The following DENND4C variants were observed in gnomAD, a reference collection of about 807,000 sequenced individuals.
DENND4C encodes DENN domain-containing protein 4C.
Under a neutral mutation model 203.0 loss-of-function variants are expected in DENND4C, and 108 were observed. That is an observed-to-expected ratio of 0.53 (90% CI 0.46 to 0.62). The LOEUF (loss-of-function observed/expected upper bound fraction) is 0.62. Ranked by LOEUF, DENND4C falls within the 20% of genes least tolerant of loss-of-function variation. The pLI is 0.00. For missense variants in DENND4C, 2,481 were observed against 2,301.2 expected, an observed-to-expected ratio of 1.08 and a Z score of -1.60; for synonymous variants, 871 against 792.4, an observed-to-expected ratio of 1.10 and a Z score of -1.67.
intron 6 of DENND4C, 63 bp downstream of exon 6, chr9:19,296,309 T>C: frequency 8.6e-7 from 1 of 1,162,094 alleles, no homozygotes; most frequent in African/African-American, 1.6e-5. Context: ...ATACATTTGT[T>C]TGTGTAATTT....
chr9:19,230,800 G>C lies in DENND4C; in HGVS notation c.-51G>C, dbSNP rs536788873. 1 of 152,590 alleles carries C rather than the reference G, an allele frequency of 6.6e-6. No homozygotes were observed. The highest frequency in any genetic ancestry group is 1.9e-4 in the East Asian group (1 of 5,192). 9.5% of individuals were successfully genotyped at this position (152,590 alleles called of 1,614,324 possible). A position where few individuals can be genotyped will look rare whatever the true frequency, so the allele number is the denominator to read the frequency against. On this transcript the variant is annotated 5_prime_UTR_variant, in exon 1 of 33. Coordinates refer to ENST00000434457, the MANE Select transcript of DENND4C (RefSeq NM_001330640.2). ...CTTTCTTGCCCCAGGAAGAAGCCGT[G>C]TCGGGGCTGCGCTGACAGAGGAGCA...
intron 15 of DENND4C, 150 bp downstream of exon 15, chr9:19,326,344 C>T: frequency 2.6e-6 from 2 of 772,570 alleles, no homozygotes; most frequent in Non-Finnish European, 3.7e-6. Context: ...GGAAATGCCA[C>T]TAGGTGTTAT....
rs1277315967 is a variant in DENND4C at position 19,272,925 on chromosome 9, G to A, written c.-17-3233G>A. ...TGGGATTTCAGGCACATGCCACTAC[G>A]CCTGGCTAATTTTTGTATCCTTTTT... is the stretch of plus-strand genomic sequence containing the variant. On this transcript the variant is annotated intron_variant, in intron 1 of 32. Coordinates refer to ENST00000434457, the MANE Select transcript of DENND4C (RefSeq NM_001330640.2). 1.9e-3 allele frequency among the ~76,000 whole-genome samples: 284 copies of A among 145,926 alleles called. 1 individual carries two copies. The highest frequency in any genetic ancestry group is 6.7e-3 in the African/African-American group (260 of 38,568).
chr9:19,354,440 A>G (rs543669908), intron 26 of DENND4C, among the ~76,000 whole-genome samples: 181 of 152,058 alleles, frequency 1.2e-3, no homozygotes, highest in Non-Finnish European at 2.0e-3. Context: ...TCTCATTTCT[A>G]TATAGCCTTA....
chr9:19,237,658 G>A (rs568832262), intron 1 of DENND4C, among the ~76,000 whole-genome samples: 24 of 152,216 alleles, frequency 1.6e-4, no homozygotes, highest in African/African-American at 5.3e-4. Flanking sequence ...ACCCAGCCAG[G>A]ATTTTCTTTA....
rs551443042 is a variant in DENND4C at position 19,316,191 on chromosome 9, T to C, written c.1488-226T>C. On this transcript the variant is annotated intron_variant, in intron 10 of 32. Coordinates refer to ENST00000434457, the MANE Select transcript of DENND4C (RefSeq NM_001330640.2). ...AGTGTTGTATTCCTAACTCCAACATTGAAAATATATGTTGGAAGGTTAGAA... is the reference window on the plus strand; with the variant it reads ...AGTGTTGTATTCCTAACTCCAACATCGAAAATATATGTTGGAAGGTTAGAA... Among the ~76,000 whole-genome samples, 213 of 152,320 alleles carry C rather than the reference T, an allele frequency of 1.4e-3. 1 individual carries two copies. The highest frequency in any genetic ancestry group is 1.5e-3 in the Admixed American group (23 of 15,310).
chr9:19,275,103 G>A (rs915971132), intron 1 of DENND4C, among the ~76,000 whole-genome samples: 4 of 151,610 alleles, frequency 2.6e-5, no homozygotes, highest in African/African-American at 7.3e-5. Flanking sequence ...TCAGCCTCCC[G>A]AGTAGCTGGG....
chr9:19,348,706 G>A (rs1823440596), intron 23 of DENND4C, among the ~76,000 whole-genome samples: 1 of 151,864 alleles, frequency 6.6e-6, no homozygotes, highest in African/African-American at 2.4e-5. Context: ...TAACTATTTT[G>A]TATTTAAAGA....
At chr9:19,312,025 A>C (rs1840828975) in intron 10 of DENND4C, among the ~76,000 whole-genome samples, 1 of 152,236 alleles carries the variant, frequency 6.6e-6, no homozygotes, top group South Asian at 2.1e-4. Flanking sequence ...TGGCTCCTAC[A>C]GTGGAATACT....
chr9:19,332,686 G>A (rs1227577934), intron 17 of DENND4C, among the ~76,000 whole-genome samples: 1 of 151,072 alleles, frequency 6.6e-6, no homozygotes, highest in African/African-American at 2.4e-5. Flanking sequence ...TTAAAGAGAT[G>A]GAGTCTCACT....
intron 1 of DENND4C, among the ~76,000 whole-genome samples, 183 bp downstream of exon 1, chr9:19,231,016 T>G (rs1457260831): frequency 6.6e-6 from 1 of 152,208 alleles, no homozygotes; most frequent in Admixed American, 6.5e-5. Context: ...GTGGCCTAGT[T>G]TCTCCGCGGT....
At chr9:19,299,354 G>T in intron 8 of DENND4C, 67 bp downstream of exon 8, 4 of 1,091,146 alleles carry the variant, frequency 3.7e-6, no homozygotes, top group South Asian at 3.3e-5. Context: ...ATATTTTAGT[G>T]ATTAGTATAT....
rs538705778 is a variant in DENND4C at position 19,266,373 on chromosome 9, G to A, written c.-17-9785G>A. On this transcript the variant is annotated intron_variant, in intron 1 of 32. Coordinates refer to ENST00000434457, the MANE Select transcript of DENND4C (RefSeq NM_001330640.2). ...CTGGATATTAGCCCTTTGTCAGATG[G>A]GTAGATTGTAAAAATTTTCTCCTGT... is the stretch of plus-strand genomic sequence containing the variant. Among the ~76,000 whole-genome samples the A allele has an allele frequency of 1.7e-4, 25 of 147,584 alleles. No individual in the cohort carries two copies. In the East Asian group the frequency reaches 5.0e-3, roughly 30 times the overall value.
At position 19,346,732 on chromosome 9, in the gene DENND4C, T is replaced by C. The variant is rs752671395; in HGVS notation, c.3963T>C (p.Ala1321=). 1.2e-6 allele frequency: 2 copies of C among 1,614,124 alleles called. No homozygotes were observed. Among genetic ancestry groups the C allele is most frequent in the Admixed American group, 3.3e-5 (2 of 60,008 alleles). The change falls in exon 23 of 33, where the codon GCT becomes GCC. Residue 1321 remains alanine (A), a synonymous_variant. Coordinates refer to ENST00000434457, the MANE Select transcript of DENND4C (RefSeq NM_001330640.2). ...ESGMTTAFIH[A]LERRSSLPLD... The stretch of plus-strand genomic sequence containing the variant: ...GCATGACTACTGCATTTATTCATGC[T>C]CTAGAGAGGAGATCAAGCCTACCTT...
intron 1 of DENND4C, among the ~76,000 whole-genome samples, chr9:19,241,025 A>G (rs918525763): frequency 8.5e-5 from 13 of 152,184 alleles, no homozygotes; most frequent in African/African-American, 3.1e-4. Context: ...GATATGAAAG[A>G]TAAACGTGGT....
chr9:19,354,837 C>T (rs568043811), intron 26 of DENND4C, among the ~76,000 whole-genome samples: 1 of 151,040 alleles, frequency 6.6e-6, no homozygotes, highest in African/African-American at 2.4e-5. Context: ...TGAGCCACTG[C>T]ACCTGGCCTG....
chr9:19,235,377 T>TGTATC (rs1821679226), intron 1 of DENND4C, among the ~76,000 whole-genome samples: 1 of 152,240 alleles, frequency 6.6e-6, no homozygotes, highest in South Asian at 2.1e-4. Context: ...TAGATGTGCA[T>TGTATC]GTATCACTTG....
chr9:19,256,466 G>A (rs148740925), intron 1 of DENND4C, among the ~76,000 whole-genome samples: 4,852 of 151,426 alleles, frequency 0.032, 113 homozygotes, highest in African/African-American at 0.057. Flanking sequence ...ACAGGCATGC[G>A]CCACCACACC....
chr9:19,271,152 A>T (rs561419331), intron 1 of DENND4C, among the ~76,000 whole-genome samples: 14 of 152,194 alleles, frequency 9.2e-5, no homozygotes, highest in Non-Finnish European at 1.3e-4. Context: ...ATGCAGTCCT[A>T]ATTAAAATCA....
Sources: gnomAD v4.1 joint callset for allele counts (sites outside exome capture counted in the v4.1 genomes callset) on GRCh38, gnomAD v4.1.1 for gene constraint, MANE v1.5 for transcripts, NCBI Gene and HGNC (gene_info 2026-07-23, HGNC 2026-07-21) for gene names.